The following RHBDD1 variants were observed in gnomAD, a reference collection of about 807,000 sequenced individuals.
The protein encoded by RHBDD1 is rhomboid domain containing 1.
Under a neutral mutation model 36.3 loss-of-function variants are expected in RHBDD1, and 38 were observed. The ratio of observed to expected loss-of-function variants is 1.05; its 90% CI spans 0.81 to 1.37. The LOEUF (loss-of-function observed/expected upper bound fraction) is 1.37. RHBDD1 is among the 40% of genes most tolerant of loss of function. RHBDD1 has a pLI of 0.00. For synonymous variants in RHBDD1, 151 were observed against 136.5 expected (o/e 1.11, Z -0.74); for missense variants, 393 against 377.6 (o/e 1.04, Z -0.34).
intron 5 of RHBDD1, among the ~76,000 whole-genome samples, chr2:226,881,955 A>T (rs1186094366): frequency 2.0e-5 from 3 of 152,238 alleles, no homozygotes; most frequent in Non-Finnish European, 4.4e-5. Context: ...GATCACAAAT[A>T]CCAAGTAGTT....
At position 226,840,504 on chromosome 2, in the gene RHBDD1, A is replaced by G. The variant is rs528382210; in HGVS notation, c.-91+877A>G. Among the ~76,000 whole-genome samples the G allele has an allele frequency of 2.0e-5, 3 of 152,354 alleles. No individual in the cohort carries two copies. The South Asian group carries it at 6.2e-4, about 32-fold the overall frequency. On this transcript the variant is annotated intron_variant, in intron 3 of 8. Coordinates refer to ENST00000392062, the MANE Select transcript of RHBDD1 (RefSeq NM_001167608.3). ...TTGGTGATGCACTGCACGCTTTAAC[A>G]TAATACCCTATTTCATTTATTCTTG...
chr2:226,807,331 T>C, the RHBDD1 span, among the ~76,000 whole-genome samples: 5 of 152,170 alleles, frequency 3.3e-5, no homozygotes, highest in East Asian at 9.6e-4. Flanking sequence ...GAGAAAATAG[T>C]GGTTTTCTTT....
At chr2:226,904,511 CGTGTCTGTGTGTGTGT>C (rs1947880741) in intron 5 of RHBDD1, among the ~76,000 whole-genome samples, 1 of 150,424 alleles carries the variant, frequency 6.6e-6, no homozygotes, top group African/African-American at 2.5e-5. Flanking sequence ...GGTGTGTGTG[CGTGTCTGTGTGTGTGT>C]GCACGCGCAT....
chr2:226,829,557 C>T, the RHBDD1 span, among the ~76,000 whole-genome samples: 4 of 152,160 alleles, frequency 2.6e-5, no homozygotes, highest in Non-Finnish European at 5.9e-5. Flanking sequence ...ACAAGCCTTA[C>T]ACTTCTTTTA....
intron 8 of RHBDD1, among the ~76,000 whole-genome samples, chr2:226,935,961 T>TG (rs1306145197): frequency 1.4e-4 from 22 of 152,168 alleles, no homozygotes; most frequent in Admixed American, 1.4e-3. Context: ...TTTTCACTGC[T>TG]GCCTTGCTTG....
At chr2:226,909,775 T>A (rs559034368) in intron 7 of RHBDD1, among the ~76,000 whole-genome samples, 7 of 152,256 alleles carry the variant, frequency 4.6e-5, no homozygotes, top group Non-Finnish European at 1.0e-4. Flanking sequence ...GCTTCCAGCC[T>A]CCAGATTGTG....
intron 5 of RHBDD1, among the ~76,000 whole-genome samples, chr2:226,883,822 A>G (rs1945984966): frequency 6.6e-6 from 1 of 152,198 alleles, no homozygotes; most frequent in African/African-American, 2.4e-5. Context: ...AAATGGATCT[A>G]ATTCAATTGA....
intron 8 of RHBDD1, among the ~76,000 whole-genome samples, chr2:226,959,412 T>C (rs1254898438): frequency 6.6e-6 from 1 of 152,248 alleles, no homozygotes; most frequent in Non-Finnish European, 1.5e-5. Context: ...AATTTATTCC[T>C]ACTCTCCTCC....
intron 5 of RHBDD1, among the ~76,000 whole-genome samples, chr2:226,900,123 C>T (rs1947465373): frequency 6.6e-6 from 1 of 152,166 alleles, no homozygotes; most frequent in South Asian, 2.1e-4. Flanking sequence ...TTACAGGTAA[C>T]GCACTTTGTG....
intron 5 of RHBDD1, among the ~76,000 whole-genome samples, chr2:226,870,120 G>T (rs1168089400): frequency 6.6e-6 from 1 of 152,208 alleles, no homozygotes; most frequent in Non-Finnish European, 1.5e-5. Context: ...GAGGAGAGCG[G>T]TTGAATGTGA....
intron 8 of RHBDD1, among the ~76,000 whole-genome samples, chr2:226,933,122 G>A (rs557865614): frequency 2.4e-4 from 37 of 152,152 alleles, no homozygotes; most frequent in Admixed American, 5.9e-4. Context: ...TCACTATCAC[G>A]AGAACAGCAT....
intron 8 of RHBDD1, among the ~76,000 whole-genome samples, chr2:226,964,477 C>T (rs557069512): frequency 5.1e-4 from 78 of 152,320 alleles, no homozygotes; most frequent in African/African-American, 1.8e-3. Context: ...CCCACCTCCA[C>T]TTTACCTTTG....
chr2:226,853,103 TA>T (rs1360889306), intron 3 of RHBDD1, among the ~76,000 whole-genome samples: 1 of 152,072 alleles, frequency 6.6e-6, no homozygotes, highest in Non-Finnish European at 1.5e-5. Context: ...AAATTCTAAT[TA>T]AATTTTACAC....
intron 8 of RHBDD1, among the ~76,000 whole-genome samples, chr2:226,961,360 C>G (rs1952182545): frequency 6.6e-6 from 1 of 152,166 alleles, no homozygotes; most frequent in South Asian, 2.1e-4. Context: ...ACCTCTTTCT[C>G]TTTCTCCTCT....
At chr2:226,826,723 C>T in the RHBDD1 span, among the ~76,000 whole-genome samples, 18 of 151,864 alleles carry the variant, frequency 1.2e-4, no homozygotes, top group South Asian at 3.1e-3. Flanking sequence ...GGTTTCACCA[C>T]GTTAGCCAGG....
intron 2 of RHBDD1, among the ~76,000 whole-genome samples, chr2:226,839,041 T>C (rs1941322694): frequency 6.6e-6 from 1 of 152,228 alleles, no homozygotes; most frequent in Non-Finnish European, 1.5e-5. Context: ...CTGAAATTGC[T>C]AATATTTTTT....
intron 8 of RHBDD1, among the ~76,000 whole-genome samples, chr2:226,954,983 A>G (rs1337234349): frequency 6.6e-6 from 1 of 151,974 alleles, no homozygotes; most frequent in Non-Finnish European, 1.5e-5. Flanking sequence ...GCCTTCCTAC[A>G]GTATCGAGGT....
At chr2:226,926,890 A>G (rs573966380) in intron 8 of RHBDD1, among the ~76,000 whole-genome samples, 1 of 152,122 alleles carries the variant, frequency 6.6e-6, no homozygotes, top group South Asian at 2.1e-4. Context: ...GTCTTGTATT[A>G]TGCACTTCTG....
the RHBDD1 span, chr2:226,800,179 G>C: frequency 2.0e-5 from 3 of 152,534 alleles, no homozygotes; most frequent in African/African-American, 7.2e-5. Context: ...GGGAGGCCGG[G>C]GGGAGGCGGG....
Sources: gnomAD v4.1 joint callset for allele counts (sites outside exome capture counted in the v4.1 genomes callset) on GRCh38, gnomAD v4.1.1 for gene constraint, MANE v1.5 for transcripts, NCBI Gene and HGNC (gene_info 2026-07-23, HGNC 2026-07-21) for gene names.